Variants in SPICE1 observed in about 807,000 individuals in gnomAD.
SPICE1 encodes spindle and centriole-associated protein 1.
Under a neutral mutation model 102.7 loss-of-function variants are expected in SPICE1, and 75 were observed. The ratio of observed to expected loss-of-function variants is 0.73; its 90% CI spans 0.61 to 0.88. The LOEUF (loss-of-function observed/expected upper bound fraction) is 0.88, where lower values mean the gene tolerates loss of function less well. Among genes scored for constraint, SPICE1 ranks in the 40% least tolerant of loss-of-function variants. SPICE1 has a pLI of 0.00. For synonymous variants in SPICE1, 308 were observed against 350.3 expected, an observed-to-expected ratio of 0.88 and a Z score of 1.35; for missense variants, 979 against 1,020.1, an observed-to-expected ratio of 0.96 and a Z score of 0.55.
At chr3:113,488,220 A>AT (rs932372319) in intron 7 of SPICE1, among the ~76,000 whole-genome samples, 2 of 152,168 alleles carry the variant, frequency 1.3e-5, no homozygotes, top group African/African-American at 4.8e-5. Flanking sequence ...ATCTGAATGA[A>AT]TGCTCTTTTT....
chr3:113,458,541 T>C (rs1324853292), intron 12 of SPICE1, among the ~76,000 whole-genome samples: 1 of 152,166 alleles, frequency 6.6e-6, no homozygotes, highest in African/African-American at 2.4e-5. Context: ...TGGAGTGCAG[T>C]GGCGTGATTT....
rs556098184 is a variant in SPICE1, at chr3:113,481,839, C to A, written c.611+7106G>T. Among the ~76,000 whole-genome samples the A allele has an allele frequency of 3.3e-5, 5 of 152,198 alleles. No homozygotes were observed. In the South Asian group the frequency reaches 1.0e-3, roughly 32 times the overall value. On this transcript the variant is annotated intron_variant, in intron 7 of 17. Coordinates refer to ENST00000295872, the MANE Select transcript of SPICE1 (RefSeq NM_144718.4). ...CATTGATGGGCACATGGGTTGGTTC[C>A]AAGTCTCTGTTATTGTGAATAGTGA...
chr3:113,476,192 A>T (rs1200754448), intron 7 of SPICE1, among the ~76,000 whole-genome samples: 14 of 149,434 alleles, frequency 9.4e-5, no homozygotes, highest in South Asian at 6.3e-4. Flanking sequence ...CAATTGCTTC[A>T]AAGAGAATAA....
Position 113,495,619 on chromosome 3 carries a change from T to C in SPICE1, c.292-1477A>G, listed in dbSNP as rs1334167720. ...GATATGGAAACACTGAAAACCTATA[T>C]ACCACTCTAGAGATGTTTCAGAATT... On this transcript the variant is annotated intron_variant, in intron 4 of 17. Transcript: ENST00000295872. 4.6e-5 allele frequency among the ~76,000 whole-genome samples: 7 copies of C among 152,224 alleles called. No individual in the cohort carries two copies. In the South Asian group the frequency reaches 1.4e-3, roughly 32 times the overall value.
At chr3:113,513,529 C>T (rs1398946130) in intron 1 of SPICE1, among the ~76,000 whole-genome samples, 1 of 152,108 alleles carries the variant, frequency 6.6e-6, no homozygotes, top group African/African-American at 2.4e-5. Flanking sequence ...ATCATCATAC[C>T]CCAAATCTCT....
chr3:113,483,313 G>A (rs1011909117), intron 7 of SPICE1, among the ~76,000 whole-genome samples: 4 of 152,138 alleles, frequency 2.6e-5, no homozygotes, highest in Admixed American at 2.0e-4. Context: ...GGGCTGAGAC[G>A]ATGGTGTTTT....
chr3:113,445,344 T>C lies in SPICE1; in HGVS notation c.2531A>G (p.Glu844Gly), dbSNP rs112110454. The C allele has an allele frequency of 1.9e-5, 30 of 1,612,768 alleles. No individual in the cohort carries two copies. Among genetic ancestry groups the C allele is most frequent in the Non-Finnish European group, 2.5e-5 (30 of 1,179,312 alleles). The change falls in exon 18 of 18, where the codon GAA becomes GGA. Residue 844 changes from glutamate to glycine, a missense_variant. Glu to Gly is a moderately conservative substitution (Grantham distance 98). Coordinates refer to ENST00000295872, the MANE Select transcript of SPICE1 (RefSeq NM_144718.4). ...GGTAGAAAGAGCAAACCAGCCTTCT[T>C]CATTCTGTTTCTCAATCTGTTGAAC... ...NPRAKIEKQN[E>G]EGWFALSTHV...
chr3:113,462,397 T>C (rs1935952376), intron 11 of SPICE1, among the ~76,000 whole-genome samples: 1 of 152,190 alleles, frequency 6.6e-6, no homozygotes, highest in South Asian at 2.1e-4. Flanking sequence ...AACTATTAGC[T>C]CAGGACAGTT....
intron 7 of SPICE1, among the ~76,000 whole-genome samples, chr3:113,479,341 T>C (rs1422992567): frequency 6.6e-6 from 1 of 151,682 alleles, no homozygotes; most frequent in African/African-American, 2.4e-5. Context: ...TTCCATGGTG[T>C]ATATGTGCCA....
Position 113,505,314 on chromosome 3 carries a change from A to T in SPICE1, c.99+1193T>A, listed in dbSNP as rs566695172. On this transcript the variant is annotated intron_variant, in intron 2 of 17. Transcript: ENST00000295872. The stretch of plus-strand genomic sequence containing the variant: ...TGAAGGGGAAAATATGTTATCACAT[A>T]TTTTTTTTTTCCGATTTATCAGTTT... Among the ~76,000 whole-genome samples, 55 of 150,522 alleles carry T rather than the reference A, an allele frequency of 3.7e-4. 1 individual carries two copies. Among genetic ancestry groups the T allele is most frequent in the South Asian group, 1.3e-3 (6 of 4,708 alleles).
intron 12 of SPICE1, chr3:113,459,887 G>GAAAAAAAAAAAAAAAAAAAA (rs368859965): frequency 1.8e-6 from 1 of 547,510 alleles, no homozygotes; most frequent in African/African-American, 2.8e-5. Context: ...ATCTCAAAAA[G>GAAAAAAAAAAAAAAAAAAAA]AAAAAAAAAA....
chr3:113,499,571 A>G lies in SPICE1; in HGVS notation c.159T>C (p.His53=), dbSNP rs760626033. Residue 53 remains histidine (H), a synonymous_variant, in exon 4 of 18, where the codon CAT becomes CAC. Coordinates refer to ENST00000295872, the MANE Select transcript of SPICE1 (RefSeq NM_144718.4). ...CTCTATTCTTCGATTTGTGTATTTC[A>G]TGACGGCGTACCTATACAGAAGAGA... The part of the protein sequence containing the change: ...RATPEDLVRR[H]EIHKSKNRAL... 10 of 1,610,174 alleles carry G rather than the reference A, an allele frequency of 6.2e-6. No homozygotes were observed. The South Asian group carries it at 9.9e-5, about 16-fold the overall frequency.
chr3:113,470,631 C>T (rs746306149), intron 7 of SPICE1, among the ~76,000 whole-genome samples: 15 of 152,206 alleles, frequency 9.9e-5, no homozygotes, highest in Non-Finnish European at 1.6e-4. Flanking sequence ...TCTCTATCTT[C>T]CTAAGTTCAA....
intron 13 of SPICE1, among the ~76,000 whole-genome samples, chr3:113,454,459 C>T (rs1052109282): frequency 3.3e-5 from 5 of 152,012 alleles, no homozygotes; most frequent in East Asian, 3.9e-4. Flanking sequence ...CTATAATACC[C>T]GCACTTTGCA....
Position 113,445,377 on chromosome 3 carries a change from C to A in SPICE1, c.2515-17G>T. On this transcript the variant is annotated splice_polypyrimidine_tract_variant and intron_variant, in intron 17 of 17. Transcript: ENST00000295872. ...TTTCTCAATCTGTTGAACAAAGACACGGAAAAAATTTAGATGGTAATTAGA... is the reference window on the plus strand; with the variant it reads ...TTTCTCAATCTGTTGAACAAAGACAAGGAAAAAATTTAGATGGTAATTAGA... The A allele has an allele frequency of 1.2e-6, 2 of 1,610,172 alleles. No individual in the cohort carries two copies. The highest frequency in any genetic ancestry group is 1.7e-6 in the Non-Finnish European group (2 of 1,177,798).
chr3:113,474,851 T>A (rs201146975), intron 7 of SPICE1, among the ~76,000 whole-genome samples: 1 of 151,784 alleles, frequency 6.6e-6, no homozygotes, highest in Admixed American at 6.6e-5. Context: ...GATCCAAAAT[T>A]GACACCCTAA....
chr3:113,512,189 A>G (rs1357433496), intron 1 of SPICE1, among the ~76,000 whole-genome samples: 1 of 152,188 alleles, frequency 6.6e-6, no homozygotes, highest in Non-Finnish European at 1.5e-5. Context: ...GATAAATAGT[A>G]ATTGTTTTAG....
intron 11 of SPICE1, among the ~76,000 whole-genome samples, chr3:113,462,370 T>C (rs1007550000): frequency 3.3e-5 from 5 of 152,224 alleles, no homozygotes; most frequent in Non-Finnish European, 7.3e-5. Flanking sequence ...ATGCCTGCCA[T>C]CTATCAGACA....
In SPICE1 at chr3:113,467,077, A is replaced by G. The variant is rs755811390; in HGVS notation, c.1155+1062T>C. Among the ~76,000 whole-genome samples, 6 of 152,172 alleles carry G rather than the reference A, an allele frequency of 3.9e-5. No homozygotes were observed. The South Asian group carries it at 8.3e-4, about 21-fold the overall frequency. Reference sequence around the variant, plus strand: ...AAAAAAAAAGCAATTCAATTTTAGGAAGACGGCTCTAGAGAAACTAAAACA... The same window carrying G: ...AAAAAAAAAGCAATTCAATTTTAGGGAGACGGCTCTAGAGAAACTAAAACA... On this transcript the variant is annotated intron_variant, in intron 10 of 17. Transcript: ENST00000295872.
Sources: gnomAD v4.1 joint callset for allele counts (sites outside exome capture counted in the v4.1 genomes callset) on GRCh38, gnomAD v4.1.1 for gene constraint, MANE v1.5 for transcripts, NCBI Gene and HGNC (gene_info 2026-07-23, HGNC 2026-07-21) for gene names.